RYR3: variants seen among roughly 807,000 people sequenced by gnomAD.
RYR3 encodes ryanodine receptor 3.
In RYR3, 207 loss-of-function variants were observed where a neutral mutation model predicts 584.3. That is an observed-to-expected ratio of 0.35 (90% CI 0.32 to 0.40). The LOEUF (loss-of-function observed/expected upper bound fraction) is 0.40. Among genes scored for constraint, RYR3 ranks in the 10% least tolerant of loss-of-function variants. RYR3 has a pLI of 1.00. For synonymous variants in RYR3, 2,416 were observed against 2,248.5 expected (o/e 1.07, Z -2.11); for missense variants, 5,616 against 6,089.2 (o/e 0.92, Z 2.59).
intron 4 of RYR3, among the ~76,000 whole-genome samples, chr15:33,531,548 T>C (rs967595215): frequency 1.4e-4 from 21 of 151,938 alleles, no homozygotes; most frequent in African/African-American, 3.6e-4. Context: ...ACCAGCAGCA[T>C]GATGCAAAGT....
chr15:33,579,179 G>T (rs1024261849), intron 12 of RYR3, among the ~76,000 whole-genome samples: 1 of 152,056 alleles, frequency 6.6e-6, no homozygotes, highest in Non-Finnish European at 1.5e-5. Flanking sequence ...TGAGAGATAG[G>T]GGACACTGAG....
At chr15:33,858,477 G>C (rs1265623240) in intron 99 of RYR3, 1 of 139,260 alleles carries the variant, frequency 7.2e-6, no homozygotes, top group Non-Finnish European at 1.6e-5. Flanking sequence ...AAAGTGCTGG[G>C]ATTACAGGCG....
chr15:33,740,196 G>C (rs71462877), intron 51 of RYR3, among the ~76,000 whole-genome samples: 220 of 152,254 alleles, frequency 1.4e-3, no homozygotes, highest in Middle Eastern at 3.4e-3. Flanking sequence ...GGTTTTTGGT[G>C]GGGGAGGAAA....
At chr15:33,817,816 G>A (rs991162263) in intron 75 of RYR3, among the ~76,000 whole-genome samples, 2 of 152,120 alleles carry the variant, frequency 1.3e-5, no homozygotes, top group Non-Finnish European at 2.9e-5. Context: ...CGTCACTTCA[G>A]CCCTCTACTT....
intron 70 of RYR3, among the ~76,000 whole-genome samples, chr15:33,809,199 CT>C (rs1416296610): frequency 6.6e-6 from 1 of 152,240 alleles, no homozygotes; most frequent in African/African-American, 2.4e-5. Flanking sequence ...AGGACCAGAT[CT>C]TGCGTGCCAC....
At chr15:33,455,234 TATG>T (rs1452637389) in intron 1 of RYR3, among the ~76,000 whole-genome samples, 8 of 152,102 alleles carry the variant, frequency 5.3e-5, no homozygotes, top group Non-Finnish European at 2.9e-5. Context: ...AAGGAACAAT[TATG>T]ATGTGAGTTT....
chr15:33,722,801 G>C lies in RYR3; in HGVS notation c.6706G>C (p.Gly2236Arg), dbSNP rs1319397450. 3.7e-6 allele frequency: 6 copies of C among 1,613,232 alleles called. No homozygotes were observed. Among genetic ancestry groups the C allele is most frequent in the East Asian group, 2.2e-5 (1 of 44,866 alleles). ...CTTCGGCCCGGCCCTGCGGGGTGAG[G>C]GGGGAAACGGGCTCTTGGCAGCCAT... Reference protein sequence around the residue: ...ECFGPALRGEGGNGLLAAMQG... With the variant: ...ECFGPALRGERGNGLLAAMQG... Residue 2236 changes from glycine (G) to arginine (R), a missense_variant, in exon 44 of 104, where the codon GGG becomes CGG. Physicochemically the swap from Gly to Arg is moderately radical, Grantham distance 125. This residue lies in a region of RYR3 where 1,280 missense variants were observed against 1,426.2 expected (regional missense o/e 0.90). Coordinates refer to ENST00000634891, the MANE Select transcript of RYR3 (RefSeq NM_001036.6).
intron 16 of RYR3, among the ~76,000 whole-genome samples, chr15:33,588,252 T>C (rs1033909071): frequency 6.6e-6 from 1 of 152,190 alleles, no homozygotes; most frequent in Non-Finnish European, 1.5e-5. Context: ...TTAAGCAGTT[T>C]CCCAGGAGCC....
chr15:33,460,815 G>C (rs2047961055), intron 1 of RYR3, among the ~76,000 whole-genome samples: 1 of 151,714 alleles, frequency 6.6e-6, no homozygotes, highest in Admixed American at 6.6e-5. Context: ...CAGGAGTCTT[G>C]GTAAGTTTGT....
Position 33,490,744 on chromosome 15 carries a change from TA to T in RYR3, c.172-12872del, listed in dbSNP as rs3084449. Among the ~76,000 whole-genome samples, 718 of 142,278 alleles carry T rather than the reference TA, an allele frequency of 5.0e-3. 2 individuals carry two copies. Among genetic ancestry groups the T allele is most frequent in the African/African-American group, 0.011 (420 of 38,654 alleles). 93.3% of individuals were successfully genotyped at this position (142,278 alleles called of 152,430 possible). A position where few individuals can be genotyped will look rare whatever the true frequency, so the allele number is the denominator to read the frequency against. ...AACAGCTAAAGAGTATTACTCTTGT[TA>T]AAAAAAAAAAAAAAGAGTCAAGAAA... On this transcript the variant is annotated intron_variant, in intron 2 of 103. Coordinates refer to ENST00000634891, the MANE Select transcript of RYR3 (RefSeq NM_001036.6).
At chr15:33,722,239 G>A (rs2067987708) in intron 43 of RYR3, among the ~76,000 whole-genome samples, 1 of 152,164 alleles carries the variant, frequency 6.6e-6, no homozygotes. Flanking sequence ...TAATCAAGAT[G>A]TAAAGTCCTT....
chr15:33,477,304 G>A (rs1165882491), intron 2 of RYR3, among the ~76,000 whole-genome samples: 1 of 152,128 alleles, frequency 6.6e-6, no homozygotes, highest in Non-Finnish European at 1.5e-5. Flanking sequence ...TATTCTTGGT[G>A]TGTGACCCGG....
At chr15:33,556,231 A>G (rs967652933) in intron 10 of RYR3, among the ~76,000 whole-genome samples, 12 of 152,202 alleles carry the variant, frequency 7.9e-5, no homozygotes, top group African/African-American at 2.9e-4. Context: ...ACTCTAATTA[A>G]TAAGCATCAA....
rs936291644 is a variant in RYR3, at chr15:33,676,414, G to A, written c.5860+5858G>A. ...ACTAAGTTTGTGGTAATTTGTCACA[G>A]CAGCAATAGAAAAGGTGGTGACAAC... On this transcript the variant is annotated intron_variant, in intron 38 of 103. Coordinates refer to ENST00000634891, the MANE Select transcript of RYR3 (RefSeq NM_001036.6). 2.6e-5 allele frequency among the ~76,000 whole-genome samples: 4 copies of A among 152,188 alleles called. 1 individual carries two copies. The highest frequency in any genetic ancestry group is 4.4e-5 in the Non-Finnish European group (3 of 68,038).
At chr15:33,833,387 A>G (rs2077821847) in intron 86 of RYR3, among the ~76,000 whole-genome samples, 1 of 152,370 alleles carries the variant, frequency 6.6e-6, no homozygotes, top group South Asian at 2.1e-4. Flanking sequence ...TGATGAGCCA[A>G]CTGGCACAGT....
chr15:33,614,356 G>T (rs2060344693), intron 19 of RYR3, among the ~76,000 whole-genome samples: 1 of 151,930 alleles, frequency 6.6e-6, no homozygotes, highest in Non-Finnish European at 1.5e-5. Flanking sequence ...AAAGTCTGAA[G>T]CACATCTCTA....
chr15:33,336,440 A>AGGG (rs1971001110), intron 1 of RYR3, among the ~76,000 whole-genome samples: 1 of 12,150 alleles, frequency 8.2e-5, no homozygotes, highest in Non-Finnish European at 1.2e-4. Context: ...GAAAGAAAGA[A>AGGG]AGAGAGAGAG....
rs559144406 is a variant in RYR3 at position 33,853,047 on chromosome 15, C to G, written c.13631C>G (p.Ser4544Cys). Residue 4544 changes from serine (S) to cysteine (C), a missense_variant and splice_region_variant, in exon 95 of 104, where the codon TCT becomes TGT. By Grantham distance (112) the Ser-to-Cys change is moderately radical. Transcript: ENST00000634891. ...ACCTTTTTCGTTTTGTTTTTCAGAT[C>G]TTTTCCTAATAACTACTGGGACAAG... ...QWDRLVINTP[S>C]FPNNYWDKFV... The G allele has an allele frequency of 1.9e-6, 3 of 1,606,040 alleles. No individual in the cohort carries two copies. Among genetic ancestry groups the G allele is most frequent in the East Asian group, 2.2e-5 (1 of 44,594 alleles).
chr15:33,630,593 C>T (rs1023853392), intron 22 of RYR3, among the ~76,000 whole-genome samples: 1 of 152,186 alleles, frequency 6.6e-6, no homozygotes, highest in Non-Finnish European at 1.5e-5. Context: ...CATAACGATG[C>T]TCCGTAAGGT....
Sources: gnomAD v4.1 joint callset for allele counts (sites outside exome capture counted in the v4.1 genomes callset) on GRCh38, gnomAD v4.1.1 for gene constraint, gnomAD v4.1.1 regional missense constraint, MANE v1.5 for transcripts, NCBI Gene and HGNC (gene_info 2026-07-23, HGNC 2026-07-21) for gene names.